CFAP210: variants seen among roughly 807,000 people sequenced by gnomAD.
The protein encoded by CFAP210 is cilia- and flagella- associated protein 210.
At chr2:169,649,862 C>T in the CFAP210 span, among the ~76,000 whole-genome samples, 2 of 150,914 alleles carry the variant, frequency 1.3e-5, no homozygotes, top group South Asian at 2.1e-4. Flanking sequence ...ACCCAGGAGG[C>T]GAAGGTTGAG....
the CFAP210 span, chr2:169,694,117 C>T: frequency 3.3e-3 from 2,572 of 787,684 alleles, 62 homozygotes; most frequent in African/African-American, 0.04. Flanking sequence ...ACACAGAGCC[C>T]AAAGATGCTT....
At chr2:169,680,483 C>CA in the CFAP210 span, among the ~76,000 whole-genome samples, 1 of 152,146 alleles carries the variant, frequency 6.6e-6, no homozygotes, top group South Asian at 2.1e-4. Flanking sequence ...TTGTAATAGC[C>CA]AAAAAGGGAA....
At chr2:169,659,782 A>C in the CFAP210 span, among the ~76,000 whole-genome samples, 1,540 of 152,250 alleles carry the variant, frequency 0.01, 27 homozygotes, top group African/African-American at 0.036. Context: ...CATTAACTCA[A>C]AAGTTTCTTT....
chr2:169,668,294 G>A, the CFAP210 span, among the ~76,000 whole-genome samples: 1 of 152,178 alleles, frequency 6.6e-6, no homozygotes, highest in African/African-American at 2.4e-5. Flanking sequence ...ACCTCATTCT[G>A]GATTAGGCTT....
chr2:169,652,414 C>T, the CFAP210 span, among the ~76,000 whole-genome samples: 1 of 152,144 alleles, frequency 6.6e-6, no homozygotes, highest in East Asian at 1.9e-4. Context: ...ACACTATTCC[C>T]GGTGCTGGGG....
At chr2:169,687,034 C>T in the CFAP210 span, among the ~76,000 whole-genome samples, 1 of 152,060 alleles carries the variant, frequency 6.6e-6, no homozygotes, top group African/African-American at 2.4e-5. Flanking sequence ...GAAGCAAAAG[C>T]GGAAGTCCCT....
At chr2:169,685,748 T>C in the CFAP210 span, among the ~76,000 whole-genome samples, 1 of 134,614 alleles carries the variant, frequency 7.4e-6, no homozygotes. Context: ...CTTTTATATT[T>C]AGTTATATGA....
At chr2:169,689,444 G>A in the CFAP210 span, among the ~76,000 whole-genome samples, 1 of 152,282 alleles carries the variant, frequency 6.6e-6, no homozygotes, top group East Asian at 1.9e-4. Flanking sequence ...CAAGTGTACA[G>A]AAATACCATT....
chr2:169,645,778 A>G, the CFAP210 span: 3 of 1,003,070 alleles, frequency 3.0e-6, no homozygotes, highest in South Asian at 5.1e-5. Flanking sequence ...ACTGAAATCC[A>G]TTTATATTTG....
chr2:169,674,721 C>T, the CFAP210 span: 1 of 1,604,540 alleles, frequency 6.2e-7, no homozygotes, highest in South Asian at 1.1e-5. Context: ...TTTCGGAATT[C>T]AATCTGGGCA....
the CFAP210 span, chr2:169,662,230 T>C: frequency 5.8e-6 from 9 of 1,562,554 alleles, no homozygotes; most frequent in Admixed American, 2.1e-5. Flanking sequence ...ATTTTAAAAG[T>C]TGGGCATTTG....
At chr2:169,671,603 A>C in the CFAP210 span, among the ~76,000 whole-genome samples, 1 of 152,074 alleles carries the variant, frequency 6.6e-6, no homozygotes, top group Non-Finnish European at 1.5e-5. Context: ...TGAGTAGCTA[A>C]GATTACAGGC....
the CFAP210 span, chr2:169,681,451 C>T: frequency 1.9e-6 from 1 of 539,004 alleles, no homozygotes; most frequent in Non-Finnish European, 3.3e-6. Flanking sequence ...CACTTCCTTA[C>T]TGTGTAAACT....
At chr2:169,669,829 T>C in the CFAP210 span, among the ~76,000 whole-genome samples, 1 of 150,320 alleles carries the variant, frequency 6.7e-6, no homozygotes, top group Non-Finnish European at 1.5e-5. Context: ...TAATTCTGTG[T>C]AGACATTTTA....
At chr2:169,679,445 G>A in the CFAP210 span, among the ~76,000 whole-genome samples, 2 of 152,062 alleles carry the variant, frequency 1.3e-5, no homozygotes, top group Admixed American at 6.5e-5. Context: ...TTTGGAAGCC[G>A]AGGCAGGTGG....
the CFAP210 span, among the ~76,000 whole-genome samples, chr2:169,651,951 ATCC>A: frequency 6.6e-6 from 1 of 151,862 alleles, no homozygotes; most frequent in East Asian, 1.9e-4. Flanking sequence ...GCCTCAAGCA[ATCC>A]TCCTACTTTG....
the CFAP210 span, chr2:169,658,037 G>T: frequency 6.6e-6 from 1 of 151,948 alleles, no homozygotes; most frequent in African/African-American, 2.4e-5. Flanking sequence ...CATTCTTAAG[G>T]AAGCTATTCA....
the CFAP210 span, among the ~76,000 whole-genome samples, chr2:169,691,531 C>T: frequency 6.6e-6 from 1 of 152,166 alleles, no homozygotes; most frequent in East Asian, 1.9e-4. Context: ...GCCACTTCCA[C>T]TCCCCCTTTC....
At chr2:169,687,315 C>A in the CFAP210 span, among the ~76,000 whole-genome samples, 7 of 152,292 alleles carry the variant, frequency 4.6e-5, no homozygotes, top group African/African-American at 1.7e-4. Context: ...TCAGCATTAA[C>A]CCAAAAGTCC....
Sources: gnomAD v4.1 joint callset for allele counts (sites outside exome capture counted in the v4.1 genomes callset) on GRCh38, gnomAD v4.1.1 for gene constraint, MANE v1.5 for transcripts, NCBI Gene and HGNC (gene_info 2026-07-23, HGNC 2026-07-21) for gene names.